Variants in GCNT2 observed in about 807,000 individuals in gnomAD.
GCNT2 encodes N-acetyllactosaminide beta-1,6-N-acetylglucosaminyl-transferase.
GCNT2 carries 34 observed loss-of-function variants against 34.2 expected under a neutral mutation model. The ratio of observed to expected loss-of-function variants is 1.00; its 90% confidence interval spans 0.76 to 1.32. GCNT2 has a LOEUF of 1.32. Among genes scored for constraint, GCNT2 ranks in the 40% most tolerant of loss-of-function variants. The pLI is 0.00. For synonymous variants in GCNT2, 212 were observed against 188.0 expected (o/e 1.13, Z -1.04); for missense variants, 584 against 489.4 (o/e 1.19, Z -1.82).
intron 4 of GCNT2, 153 bp downstream of exon 4, chr6:10,621,596 C>T: frequency 1.5e-6 from 1 of 675,422 alleles, no homozygotes; most frequent in Non-Finnish European, 2.7e-6. Context: ...AAGACACAGT[C>T]CTTCAAAAAT....
intron 3 of GCNT2, among the ~76,000 whole-genome samples, chr6:10,544,159 C>G (rs1762161688): frequency 6.6e-6 from 1 of 151,972 alleles, no homozygotes; most frequent in Non-Finnish European, 1.5e-5. Context: ...AGTAAAAATA[C>G]AAAAATTAGC....
chr6:10,523,535 T>TA (rs1309485020), intron 1 of GCNT2, among the ~76,000 whole-genome samples: 1 of 152,130 alleles, frequency 6.6e-6, no homozygotes, highest in African/African-American at 2.4e-5. Flanking sequence ...TTCCCCCTCG[T>TA]AGCCTCTTCT....
chr6:10,605,842 T>A (rs1765286147), intron 3 of GCNT2, among the ~76,000 whole-genome samples: 1 of 152,164 alleles, frequency 6.6e-6, no homozygotes, highest in African/African-American at 2.4e-5. Context: ...AAAAAGTTTT[T>A]TTGTGATTCT....
Position 10,601,939 on chromosome 6 carries a change from T to TTAAAAA in GCNT2, c.926-19412_926-19411insTAAAAA, listed in dbSNP as rs1561830857. Reference sequence around the variant, plus strand: ...CTGGGCAACAGAGCGAGACTCCATCTCAAGAAAAAAAAAAAAAAAAACAAA... The same window carrying TTAAAAA: ...CTGGGCAACAGAGCGAGACTCCATCTTAAAAACAAGAAAAAAAAAAAAAAAAACAAA... On this transcript the variant is annotated intron_variant, in intron 3 of 4. Transcript: ENST00000495262. 5.7e-3 allele frequency among the ~76,000 whole-genome samples: 433 copies of TTAAAAA among 76,266 alleles called. 12 individuals are homozygous for TTAAAAA. Among genetic ancestry groups the TTAAAAA allele is most frequent in the African/African-American group, 0.031 (407 of 13,014 alleles). The allele number at this position is 76,266 out of a possible 152,430, so 50.0% of individuals were successfully genotyped here.
chr6:10,557,488 A>ATTTTT, intron 3 of GCNT2: 2 of 674,844 alleles, frequency 3.0e-6, no homozygotes, highest in South Asian at 3.7e-5. Context: ...ATGCAGAAAG[A>ATTTTT]TGTTCTTTTT....
intron 3 of GCNT2, among the ~76,000 whole-genome samples, chr6:10,584,896 T>C (rs1256139108): frequency 1.3e-5 from 2 of 152,160 alleles, no homozygotes; most frequent in Non-Finnish European, 1.5e-5. Context: ...TCTCTCTTTC[T>C]TTTCCCCACA....
intron 4 of GCNT2, among the ~76,000 whole-genome samples, chr6:10,623,030 G>C (rs1412675461): frequency 1.3e-5 from 2 of 152,004 alleles, no homozygotes; most frequent in Non-Finnish European, 2.9e-5. Context: ...TGGGATTACA[G>C]GCGTGAGCTA....
chr6:10,549,466 C>T (rs1368257880), intron 3 of GCNT2, among the ~76,000 whole-genome samples: 2 of 151,886 alleles, frequency 1.3e-5, no homozygotes, highest in Non-Finnish European at 2.9e-5. Context: ...CCAATTCACA[C>T]TTCTCCATCA....
chr6:10,561,765 A>G (rs1359561613), intron 3 of GCNT2, among the ~76,000 whole-genome samples: 3 of 150,626 alleles, frequency 2.0e-5, no homozygotes, highest in Non-Finnish European at 2.9e-5. Flanking sequence ...TTTTTCTTCC[A>G]TAAGAATGTT....
chr6:10,595,730 G>A (rs1236878970), intron 3 of GCNT2, among the ~76,000 whole-genome samples: 2 of 152,156 alleles, frequency 1.3e-5, no homozygotes, highest in Admixed American at 6.6e-5. Flanking sequence ...GTTTTGACTG[G>A]CTTGGCCACA....
At chr6:10,572,845 GT>G (rs2127398346) in intron 3 of GCNT2, among the ~76,000 whole-genome samples, 1 of 152,354 alleles carries the variant, frequency 6.6e-6, no homozygotes, top group South Asian at 2.1e-4. Flanking sequence ...ATTGTCTCCA[GT>G]TAGGTACAAA....
chr6:10,610,651 G>GTTC (rs1765509684), intron 3 of GCNT2, among the ~76,000 whole-genome samples: 1 of 152,118 alleles, frequency 6.6e-6, no homozygotes, highest in Non-Finnish European at 1.5e-5. Flanking sequence ...ACATTAAGCT[G>GTTC]AAAACCCCAA....
intron 3 of GCNT2, among the ~76,000 whole-genome samples, chr6:10,582,456 A>T (rs1332083429): frequency 5.5e-5 from 7 of 127,016 alleles, no homozygotes; most frequent in South Asian, 2.2e-4. Context: ...TATAATATAT[A>T]TAATAAATAT....
At chr6:10,614,174 A>C (rs918962899) in intron 3 of GCNT2, among the ~76,000 whole-genome samples, 2 of 152,206 alleles carry the variant, frequency 1.3e-5, no homozygotes, top group Non-Finnish European at 1.5e-5. Context: ...AGTGATGCTT[A>C]CTAGGTATTC....
chr6:10,622,882 G>C (rs553425328), intron 4 of GCNT2, among the ~76,000 whole-genome samples: 2 of 150,032 alleles, frequency 1.3e-5, no homozygotes, highest in South Asian at 4.2e-4. Context: ...AGCCTCCCAA[G>C]TAGCTGGGAT....
At chr6:10,563,777 A>AAAT (rs1554130891) in intron 3 of GCNT2, among the ~76,000 whole-genome samples, 9 of 24,704 alleles carry the variant, frequency 3.6e-4, no homozygotes, top group African/African-American at 9.0e-4. Context: ...AAAAAAAAAA[A>AAAT]ATATATATAT....
chr6:10,600,948 A>C (rs1765064791), intron 3 of GCNT2, among the ~76,000 whole-genome samples: 1 of 151,570 alleles, frequency 6.6e-6, no homozygotes, highest in Non-Finnish European at 1.5e-5. Context: ...ATGCCACCAC[A>C]CCCAGCAAAT....
chr6:10,627,236 G>T lies in GCNT2; in HGVS notation c.*629G>T, dbSNP rs1766296562. ...TGCTTTAAGACAGAATTCACTGTCT[G>T]TTGCTTCAGTAAAAGGACCTCGGGG... On this transcript the variant is annotated 3_prime_UTR_variant, in exon 5 of 5. Coordinates refer to ENST00000495262, the MANE Select transcript of GCNT2 (RefSeq NM_145649.5). 6.6e-6 allele frequency: 1 copy of T among 152,510 alleles called. No individual in the cohort carries two copies. The highest frequency in any genetic ancestry group is 1.5e-5 in the Non-Finnish European group (1 of 68,246). The allele number at this position is 152,510 out of a possible 1,614,324, so 9.4% of individuals were successfully genotyped here.
At chr6:10,571,221 CAT>C (rs745805157) in intron 3 of GCNT2, among the ~76,000 whole-genome samples, 2 of 152,266 alleles carry the variant, frequency 1.3e-5, no homozygotes, top group South Asian at 2.1e-4. Context: ...CCTACAATCC[CAT>C]ATGTTTCTAT....
Sources: allele counts gnomAD v4.1 joint callset (sites outside exome capture counted in the v4.1 genomes callset), GRCh38; gene constraint gnomAD v4.1.1; transcripts MANE v1.5; gene names NCBI Gene and HGNC (gene_info 2026-07-23, HGNC 2026-07-21).